Variants in SEMA3C observed in about 807,000 individuals in gnomAD.
SEMA3C encodes the protein semaphorin 3C.
SEMA3C carries 47 observed loss-of-function variants against 89.4 expected under a neutral mutation model. The ratio of observed to expected loss-of-function variants is 0.53; its 90% confidence interval spans 0.42 to 0.67. SEMA3C has a LOEUF of 0.67. SEMA3C is among the 30% of genes least tolerant of loss of function. The probability of loss-of-function intolerance (pLI) is 0.00; values close to 1 mark genes in which losing one functional copy is unlikely to be tolerated. For missense variants in SEMA3C, 839 were observed against 929.1 expected, an observed-to-expected ratio of 0.90 and a Z score of 1.26; for synonymous variants, 310 against 320.2, an observed-to-expected ratio of 0.97 and a Z score of 0.34.
upstream of SEMA3C, among the ~76,000 whole-genome samples, chr7:80,920,943 T>C (rs2116277157): frequency 6.6e-6 from 1 of 152,260 alleles, no homozygotes; most frequent in African/African-American, 2.4e-5. Flanking sequence ...GAAAGATGAG[T>C]GTGTGGATTA....
chr7:80,747,730 T>G (rs2117025056), intron 17 of SEMA3C, among the ~76,000 whole-genome samples: 1 of 152,314 alleles, frequency 6.6e-6, no homozygotes, highest in South Asian at 2.1e-4. Flanking sequence ...TATTAAAATC[T>G]TTCTAAAAGT....
At chr7:80,900,105 C>T (rs1221286148) in intron 2 of SEMA3C, among the ~76,000 whole-genome samples, 1 of 151,842 alleles carries the variant, frequency 6.6e-6, no homozygotes, top group African/African-American at 2.4e-5. Flanking sequence ...TATAATCTTA[C>T]ATTTAGTATG....
chr7:80,913,347 G>A (rs547507673), intron 2 of SEMA3C, among the ~76,000 whole-genome samples: 1 of 152,260 alleles, frequency 6.6e-6, no homozygotes, highest in Admixed American at 6.5e-5. Flanking sequence ...GTTGCAGTGA[G>A]CCAAGATCTC....
intron 2 of SEMA3C, among the ~76,000 whole-genome samples, chr7:80,899,240 C>G (rs1244556074): frequency 1.3e-5 from 2 of 152,056 alleles, no homozygotes; most frequent in East Asian, 3.9e-4. Context: ...AGGGTTTTAC[C>G]ATGTTGGCCA....
chr7:80,789,245 A>G, intron 12 of SEMA3C, 61 bp downstream of exon 12: 1 of 1,319,056 alleles, frequency 7.6e-7, no homozygotes, highest in South Asian at 1.3e-5. Context: ...CTTACCTACT[A>G]CCTATATTTA....
chr7:80,834,171 C>A (rs765469495), intron 2 of SEMA3C, among the ~76,000 whole-genome samples: 35 of 151,924 alleles, frequency 2.3e-4, no homozygotes, highest in Non-Finnish European at 3.8e-4. Context: ...GGTCTCCTGG[C>A]CCCTGGGAAA....
intron 2 of SEMA3C, among the ~76,000 whole-genome samples, chr7:80,851,450 G>A (rs1460220040): frequency 4.2e-5 from 6 of 144,302 alleles, no homozygotes; most frequent in African/African-American, 1.5e-4. Flanking sequence ...GTTGCAGTGA[G>A]CCGAGGTCGT....
Position 80,831,903 on chromosome 7 carries a change from G to A in SEMA3C, c.104-3158C>T, listed in dbSNP as rs201569071. Among the ~76,000 whole-genome samples, 1,277 of 152,246 alleles carry A rather than the reference G, an allele frequency of 8.4e-3. 21 individuals are homozygous for A. The highest frequency in any genetic ancestry group is 0.038 in the South Asian group (185 of 4,830). Reference sequence around the variant, plus strand: ...CTACTTTTGGGAGATCTGAAAAGGAGATATATTTGGTAGAGAAAGTACTTA... The same window carrying A: ...CTACTTTTGGGAGATCTGAAAAGGAAATATATTTGGTAGAGAAAGTACTTA... On this transcript the variant is annotated intron_variant, in intron 2 of 17. Transcript: ENST00000265361.
chr7:80,906,071 T>A (rs1255565850), intron 2 of SEMA3C, among the ~76,000 whole-genome samples: 2 of 152,184 alleles, frequency 1.3e-5, no homozygotes, highest in Non-Finnish European at 2.9e-5. Flanking sequence ...AAAAGCTTTT[T>A]TTCTCTTATC....
rs75872613 is a variant in SEMA3C at position 80,916,464 on chromosome 7, T to C, written c.103+215A>G. ...ATTATTTTACAAAAAGCAGCATATA[T>C]TATAAGCATTTTCATAAATACCTCA... is the stretch of plus-strand genomic sequence containing the variant. On this transcript the variant is annotated intron_variant, in intron 2 of 17. Coordinates refer to ENST00000265361, the MANE Select transcript of SEMA3C (RefSeq NM_006379.5). 1.5e-3 allele frequency among the ~76,000 whole-genome samples: 223 copies of C among 152,308 alleles called. 1 individual carries two copies. The East Asian group carries it at 0.021, about 14-fold the overall frequency.
intron 11 of SEMA3C, among the ~76,000 whole-genome samples, chr7:80,791,637 CT>C (rs1788942663): frequency 6.6e-6 from 1 of 152,166 alleles, no homozygotes; most frequent in Admixed American, 6.5e-5. Flanking sequence ...CTGACTGCTT[CT>C]AAGCAGGAAT....
chr7:80,879,712 A>T (rs1337789478), intron 2 of SEMA3C, among the ~76,000 whole-genome samples: 1 of 152,218 alleles, frequency 6.6e-6, no homozygotes, highest in Non-Finnish European at 1.5e-5. Flanking sequence ...TCTTATATTT[A>T]GTGATATATT....
At chr7:80,771,589 T>C (rs2117073861) in intron 12 of SEMA3C, among the ~76,000 whole-genome samples, 1 of 152,304 alleles carries the variant, frequency 6.6e-6, no homozygotes, top group Non-Finnish European at 1.5e-5. Context: ...CAGTAAGTGT[T>C]GGCTGCCTCA....
chr7:80,852,774 G>T (rs1477713688), intron 2 of SEMA3C, among the ~76,000 whole-genome samples: 1 of 151,346 alleles, frequency 6.6e-6, no homozygotes, highest in Non-Finnish European at 1.5e-5. Flanking sequence ...CGCCTCCTGG[G>T]TTCATGCCAT....
At position 80,758,466 on chromosome 7, in the gene SEMA3C, T is replaced by C. The variant is rs771881659; in HGVS notation, c.1508A>G (p.Asn503Ser). ...SKKQQLYVSS[N>S]EGVSQVSLHR... is the part of the protein sequence containing the mutation. ...CAGAGATACCTGGGAAACCCCTTCA[T>C]TGGAACTCACATACAACTGTTGCTA... is the stretch of plus-strand genomic sequence containing the variant. Residue 503 changes from asparagine to serine, a missense_variant, in exon 15 of 18, where the codon AAT (asparagine) becomes AGT (serine). Transcript: ENST00000265361. 5.0e-6 allele frequency: 8 copies of C among 1,613,932 alleles called. No homozygotes were observed. The highest frequency in any genetic ancestry group is 4.5e-5 in the East Asian group (2 of 44,874).
intron 2 of SEMA3C, among the ~76,000 whole-genome samples, chr7:80,887,317 G>A (rs181162876): frequency 2.2e-4 from 33 of 152,232 alleles, no homozygotes; most frequent in Admixed American, 2.1e-3. Flanking sequence ...GAGGAAACAA[G>A]TCAATAAATA....
intron 2 of SEMA3C, among the ~76,000 whole-genome samples, chr7:80,893,487 T>G (rs1428502484): frequency 6.6e-6 from 1 of 152,192 alleles, no homozygotes; most frequent in Non-Finnish European, 1.5e-5. Context: ...CAACACTGAT[T>G]GCTAATAATA....
At chr7:80,905,810 G>A in intron 2 of SEMA3C, 6 of 1,249,860 alleles carry the variant, frequency 4.8e-6, no homozygotes, top group Non-Finnish European at 6.3e-6. Flanking sequence ...TATTTACATG[G>A]TTGGCTTATG....
intron 2 of SEMA3C, among the ~76,000 whole-genome samples, chr7:80,885,573 C>T (rs936247087): frequency 2.0e-5 from 3 of 152,060 alleles, no homozygotes; most frequent in African/African-American, 4.8e-5. Flanking sequence ...GCTGAGATTG[C>T]GCCACTGCAC....
Sources: gnomAD v4.1 joint callset for allele counts (sites outside exome capture counted in the v4.1 genomes callset) on GRCh38, gnomAD v4.1.1 for gene constraint, MANE v1.5 for transcripts, NCBI Gene and HGNC (gene_info 2026-07-23, HGNC 2026-07-21) for gene names.